ATP13A4: variants seen among roughly 807,000 people sequenced by gnomAD.
ATP13A4 encodes probable cation-transporting ATPase 13A4.
A neutral mutation model predicts 142.5 loss-of-function variants in ATP13A4; 114 were observed. That is an observed-to-expected ratio of 0.80 (90% CI 0.69 to 0.93). The LOEUF is 0.93. Among genes scored for constraint, ATP13A4 ranks in the 40% least tolerant of loss-of-function variants. The pLI, the probability that ATP13A4 is intolerant of heterozygous loss-of-function variation, is 0.00. For synonymous variants in ATP13A4, 488 were observed against 514.8 expected, an observed-to-expected ratio of 0.95 and a Z score of 0.70; for missense variants, 1,392 against 1,454.0, an observed-to-expected ratio of 0.96 and a Z score of 0.69.
intron 12 of ATP13A4, 129 bp from the exon 13 acceptor site, chr3:193,462,952 C>T (rs1718040503): frequency 2.3e-6 from 2 of 863,280 alleles, no homozygotes; most frequent in Non-Finnish European, 1.9e-6. Flanking sequence ...TAAGACCAGC[C>T]TGGGCAACAT....
intron 25 of ATP13A4, among the ~76,000 whole-genome samples, chr3:193,420,231 A>G (rs1715339252): frequency 6.7e-6 from 1 of 149,332 alleles, no homozygotes; most frequent in African/African-American, 2.5e-5. Context: ...TCTCCCCATC[A>G]TCTGTAAAAT....
Position 193,412,324 on chromosome 3 carries a change from G to T in ATP13A4, c.3062C>A (p.Pro1021Gln). ...NESISELTMS[P>Q]TAPEKMESNS... is the part of the protein sequence containing the mutation. ...ACTTTCCATTTTTTCTGGAGCAGTT[G>T]GAGACATGGTTAACTCTGAGATGCT... Residue 1021 changes from proline to glutamine, a missense_variant, in exon 27 of 30, where the codon CCA becomes CAA. Physicochemically the swap from Pro to Gln is moderately conservative, Grantham distance 76. Coordinates refer to ENST00000342695, the MANE Select transcript of ATP13A4 (RefSeq NM_032279.4). 6.2e-7 allele frequency: 1 copy of T among 1,614,138 alleles called. No homozygotes were observed. The highest frequency in any genetic ancestry group is 8.5e-7 in the Non-Finnish European group (1 of 1,180,014).
chr3:193,439,390 A>G (rs1716493254), intron 21 of ATP13A4, among the ~76,000 whole-genome samples: 1 of 152,188 alleles, frequency 6.6e-6, no homozygotes, highest in African/African-American at 2.4e-5. Flanking sequence ...AGGATTTGAA[A>G]CCAGATGCAG....
At chr3:193,522,687 C>T (rs1721787323) in intron 1 of ATP13A4, among the ~76,000 whole-genome samples, 1 of 152,150 alleles carries the variant, frequency 6.6e-6, no homozygotes, top group Non-Finnish European at 1.5e-5. Context: ...GGATGTGCTG[C>T]CCAGACAGGT....
At chr3:193,460,096 T>A (rs1717867461) in intron 13 of ATP13A4, among the ~76,000 whole-genome samples, 1 of 152,122 alleles carries the variant, frequency 6.6e-6, no homozygotes, top group South Asian at 2.1e-4. Flanking sequence ...TGGGAGCCAG[T>A]AAGGGTCCAC....
intron 12 of ATP13A4, 133 bp from the exon 13 acceptor site, chr3:193,462,956 G>A (rs1718040819): frequency 2.4e-6 from 2 of 825,052 alleles, no homozygotes; most frequent in Admixed American, 4.7e-5. Context: ...ACCAGCCTGG[G>A]CAACATAATG....
At chr3:193,420,551 G>A (rs1427331657) in intron 25 of ATP13A4, among the ~76,000 whole-genome samples, 1 of 149,522 alleles carries the variant, frequency 6.7e-6, no homozygotes, top group Non-Finnish European at 1.5e-5. Context: ...TTCCTGAAAA[G>A]GAATTTATAA....
chr3:193,407,044 T>C (rs1229894730), intron 29 of ATP13A4, among the ~76,000 whole-genome samples: 1 of 152,188 alleles, frequency 6.6e-6, no homozygotes, highest in East Asian at 1.9e-4. Flanking sequence ...TAAATTGTGT[T>C]GGGTCTTTAT....
intron 1 of ATP13A4, among the ~76,000 whole-genome samples, chr3:193,533,616 A>G (rs1468352578): frequency 6.6e-6 from 1 of 152,098 alleles, no homozygotes; most frequent in African/African-American, 2.4e-5. Flanking sequence ...TCTCTAGCCA[A>G]AAGTCCAGAA....
At chr3:193,502,240 A>C (rs1447481471) in intron 3 of ATP13A4, among the ~76,000 whole-genome samples, 1 of 152,226 alleles carries the variant, frequency 6.6e-6, no homozygotes, top group African/African-American at 2.4e-5. Flanking sequence ...GAATTTTATC[A>C]ATTAATATTA....
intron 17 of ATP13A4, among the ~76,000 whole-genome samples, chr3:193,449,701 C>T (rs1487455719): frequency 6.6e-6 from 1 of 152,228 alleles, no homozygotes; most frequent in East Asian, 1.9e-4. Context: ...TTGCTTTAGA[C>T]TGCTGTAAGA....
intron 3 of ATP13A4, among the ~76,000 whole-genome samples, chr3:193,493,546 A>G (rs1444853903): frequency 6.6e-6 from 1 of 152,160 alleles, no homozygotes; most frequent in Non-Finnish European, 1.5e-5. Flanking sequence ...GTAGACGTAA[A>G]GAGAGAGAAG....
At position 193,425,131 on chromosome 3, in the gene ATP13A4, A is replaced by T. The variant is rs550069456; in HGVS notation, c.2842+8714T>A. On this transcript the variant is annotated intron_variant, in intron 25 of 29. Coordinates refer to ENST00000342695, the MANE Select transcript of ATP13A4 (RefSeq NM_032279.4). ...AAAAATGTTCAACATCATTAATATC[A>T]GGGAAATGCAAATCAAAACCACCGT... Among the ~76,000 whole-genome samples the T allele has an allele frequency of 1.0e-3, 140 of 136,678 alleles. 3 individuals are homozygous for T. The highest frequency in any genetic ancestry group is 1.7e-3 in the Non-Finnish European group (107 of 64,548). The allele number at this position is 136,678 out of a possible 152,430, so 89.7% of individuals were successfully genotyped here. A position where few individuals can be genotyped will look rare whatever the true frequency, so the allele number is the denominator to read the frequency against.
At position 193,488,345 on chromosome 3, in the gene ATP13A4, A is replaced by G. The variant is rs149630872; in HGVS notation, c.738+1385T>C. On this transcript the variant is annotated intron_variant, in intron 7 of 29. Transcript: ENST00000342695. ...CATTCTGTTAAACAAATTAATGCATATGCATTTAATATAACTAAAAGTATA... is the reference window on the plus strand; with the variant it reads ...CATTCTGTTAAACAAATTAATGCATGTGCATTTAATATAACTAAAAGTATA... Among the ~76,000 whole-genome samples the G allele has an allele frequency of 3.6e-3, 552 of 152,314 alleles. 5 individuals are homozygous for G. The highest frequency in any genetic ancestry group is 0.031 in the East Asian group (161 of 5,178).
chr3:193,559,307 G>C (rs1360739253), upstream of ATP13A4, among the ~76,000 whole-genome samples: 2 of 152,130 alleles, frequency 1.3e-5, no homozygotes, highest in Non-Finnish European at 2.9e-5. Flanking sequence ...CCATGGAGAG[G>C]AACCTGAAAC....
intron 2 of ATP13A4, among the ~76,000 whole-genome samples, chr3:193,564,348 C>A (rs1439600852): frequency 6.6e-6 from 1 of 152,236 alleles, no homozygotes; most frequent in Non-Finnish European, 1.5e-5. Flanking sequence ...AAGAGAAATT[C>A]AACTGTGTCC....
intron 3 of ATP13A4, among the ~76,000 whole-genome samples, chr3:193,493,666 A>G (rs556873077): frequency 1.3e-4 from 20 of 152,178 alleles, no homozygotes; most frequent in African/African-American, 4.8e-4. Context: ...ATTGTTCACA[A>G]GTTAGTTTGG....
At chr3:193,570,171 G>T (rs985063783) in intron 2 of ATP13A4, among the ~76,000 whole-genome samples, 1 of 152,082 alleles carries the variant, frequency 6.6e-6, no homozygotes, top group Non-Finnish European at 1.5e-5. Flanking sequence ...AAATTAGCCA[G>T]GCGTGGTGGC....
intron 18 of ATP13A4, among the ~76,000 whole-genome samples, chr3:193,442,789 G>GA (rs1716724549): frequency 6.6e-6 from 1 of 152,136 alleles, no homozygotes; most frequent in South Asian, 2.1e-4. Context: ...CAGACTGGGG[G>GA]AAAAAATTAA....
Sources: gnomAD v4.1 joint callset for allele counts (sites outside exome capture counted in the v4.1 genomes callset) on GRCh38, gnomAD v4.1.1 for gene constraint, MANE v1.5 for transcripts, NCBI Gene and HGNC (gene_info 2026-07-23, HGNC 2026-07-21) for gene names.